ZNF469: variants seen among roughly 807,000 people sequenced by gnomAD.
The protein encoded by ZNF469 is zinc finger protein 469.
ZNF469 carries 1 observed loss-of-function variant against 1.0 expected under a neutral mutation model. That is an observed-to-expected ratio of 1.00 (90% CI 0.35 to 4.73). The LOEUF is 4.73. Ranked by LOEUF, ZNF469 falls within the 30% of genes most tolerant of loss-of-function variation. The pLI, the probability that ZNF469 is intolerant of heterozygous loss-of-function variation, is 0.16. For missense variants in ZNF469, 6,100 were observed against 5,356.3 expected, an observed-to-expected ratio of 1.14 and a Z score of -4.33; for synonymous variants, 2,703 against 2,363.4, an observed-to-expected ratio of 1.14 and a Z score of -4.17.
rs149994539 is a variant in ZNF469, at chr16:88,384,615, G to T, written c.-192+1361G>T. On this transcript the variant is annotated intron_variant, in intron 1 of 2. Transcript: ENST00000565624. ...ATCATTCTGCCCTGCAAATAGAAAA[G>T]AGGAAGAGGATATCTGAGGCAAAAA... Among the ~76,000 whole-genome samples, 300 of 152,312 alleles carry T rather than the reference G, an allele frequency of 2.0e-3. 2 individuals are homozygous for T. The highest frequency in any genetic ancestry group is 6.8e-3 in the Middle Eastern group (2 of 294).
chr16:88,127,427 C>T, the ZNF469 span, among the ~76,000 whole-genome samples: 4 of 152,204 alleles, frequency 2.6e-5, no homozygotes, highest in Non-Finnish European at 5.9e-5. Context: ...TGGCGACTTT[C>T]TATTTGGTCA....
At chr16:88,155,405 A>C in the ZNF469 span, among the ~76,000 whole-genome samples, 1 of 152,258 alleles carries the variant, frequency 6.6e-6, no homozygotes, top group Non-Finnish European at 1.5e-5. Context: ...GCCAGCACCA[A>C]ATCAATTTTA....
chr16:88,154,968 G>C, the ZNF469 span, among the ~76,000 whole-genome samples: 1 of 152,214 alleles, frequency 6.6e-6, no homozygotes, highest in Non-Finnish European at 1.5e-5. Flanking sequence ...GGTTCAACCC[G>C]TGCTTTAATG....
At chr16:88,251,314 G>T in the ZNF469 span, among the ~76,000 whole-genome samples, 1 of 152,296 alleles carries the variant, frequency 6.6e-6, no homozygotes, top group Middle Eastern at 3.4e-3. Flanking sequence ...ACACTTCCCT[G>T]TTTTGTTGAA....
the ZNF469 span, among the ~76,000 whole-genome samples, chr16:88,154,173 T>C: frequency 6.6e-6 from 1 of 152,252 alleles, no homozygotes; most frequent in Non-Finnish European, 1.5e-5. Context: ...TGTTTTGTTT[T>C]TTGAGATGGA....
At chr16:88,196,792 C>CA in the ZNF469 span, among the ~76,000 whole-genome samples, 17 of 152,344 alleles carry the variant, frequency 1.1e-4, no homozygotes, top group East Asian at 1.4e-3. Context: ...CCAGGCCACA[C>CA]AGAGCAGGAG....
At chr16:88,136,322 C>T in the ZNF469 span, among the ~76,000 whole-genome samples, 9 of 152,328 alleles carry the variant, frequency 5.9e-5, no homozygotes, top group Middle Eastern at 3.4e-3. Context: ...CTTCTCACAA[C>T]GCTGATTTTC....
the ZNF469 span, among the ~76,000 whole-genome samples, chr16:88,286,901 G>A: frequency 2.0e-5 from 3 of 152,180 alleles, no homozygotes; most frequent in East Asian, 1.9e-4. Context: ...TGGGGAACTC[G>A]CTCAGGAGAG....
At chr16:88,390,044 C>A (rs1391234260) in intron 1 of ZNF469, among the ~76,000 whole-genome samples, 1 of 152,186 alleles carries the variant, frequency 6.6e-6, no homozygotes, top group Non-Finnish European at 1.5e-5. Flanking sequence ...CCAAGGGACC[C>A]ACAGCTTTTT....
At chr16:88,333,067 C>T in the ZNF469 span, among the ~76,000 whole-genome samples, 15,810 of 152,244 alleles carry the variant, frequency 0.1, 1,023 homozygotes, top group Middle Eastern at 0.25. Context: ...GGTGATTTGG[C>T]GGTAAACCTT....
intron 1 of ZNF469, among the ~76,000 whole-genome samples, chr16:88,411,969 G>A (rs941577899): frequency 0.059 from 14 of 236 alleles, no homozygotes; most frequent in African/African-American, 0.24. Flanking sequence ...GCGTGGTGTC[G>A]CACAGCAAGG....
the ZNF469 span, among the ~76,000 whole-genome samples, chr16:88,293,480 ATGAG>A: frequency 6.6e-6 from 1 of 152,108 alleles, no homozygotes; most frequent in Non-Finnish European, 1.5e-5. Flanking sequence ...GAATGAGTGA[ATGAG>A]TGGGTAGGTG....
At chr16:88,407,425 CT>C (rs1462039373) in intron 1 of ZNF469, among the ~76,000 whole-genome samples, 1 of 152,248 alleles carries the variant, frequency 6.6e-6, no homozygotes, top group Non-Finnish European at 1.5e-5. Context: ...CAGCGTCACT[CT>C]CTGTATCTAT....
the ZNF469 span, among the ~76,000 whole-genome samples, chr16:88,101,834 A>C: frequency 2.6e-5 from 4 of 152,154 alleles, no homozygotes; most frequent in Admixed American, 2.0e-4. Flanking sequence ...TTCCAAACAT[A>C]AACTTCCTGA....
the ZNF469 span, among the ~76,000 whole-genome samples, chr16:88,103,145 C>A: frequency 6.6e-6 from 1 of 150,860 alleles, no homozygotes; most frequent in Non-Finnish European, 1.5e-5. Flanking sequence ...TCTGGCCCCT[C>A]CCCCCTCCCC....
chr16:88,268,103 C>G, the ZNF469 span, among the ~76,000 whole-genome samples: 4 of 152,262 alleles, frequency 2.6e-5, no homozygotes, highest in South Asian at 8.3e-4. Flanking sequence ...TGTTTATTTG[C>G]CATTGACATG....
the ZNF469 span, among the ~76,000 whole-genome samples, chr16:88,368,228 C>T: frequency 1.3e-5 from 2 of 152,222 alleles, no homozygotes; most frequent in Admixed American, 1.3e-4. Flanking sequence ...GGGTTGGAGT[C>T]CGGAGCCAGT....
At chr16:88,314,584 T>A in the ZNF469 span, among the ~76,000 whole-genome samples, 38 of 151,844 alleles carry the variant, frequency 2.5e-4, 1 homozygote, top group East Asian at 2.0e-4. Flanking sequence ...CAGGCAGTGC[T>A]GCTGTGGACT....
At chr16:88,398,537 G>T (rs1457210027) in intron 1 of ZNF469, among the ~76,000 whole-genome samples, 1 of 148,780 alleles carries the variant, frequency 6.7e-6, no homozygotes, top group African/African-American at 2.5e-5. Context: ...GATGAGGGGT[G>T]TGTGAGCCAC....
Sources: allele counts gnomAD v4.1 joint callset (sites outside exome capture counted in the v4.1 genomes callset), GRCh38; gene constraint gnomAD v4.1.1; transcripts MANE v1.5; gene names NCBI Gene and HGNC (gene_info 2026-07-23, HGNC 2026-07-21).